Variants in PDZD2 observed in about 807,000 individuals in gnomAD.
PDZD2 encodes the protein PDZ domain containing 2.
In PDZD2, 90 loss-of-function variants were observed where a neutral mutation model predicts 220.7. That is an observed-to-expected ratio of 0.41 (90% CI 0.34 to 0.49). The LOEUF is 0.49. Among genes scored for constraint, PDZD2 ranks in the 20% least tolerant of loss-of-function variants. The pLI is 0.28. For missense variants in PDZD2, 3,174 were observed against 3,608.5 expected (o/e 0.88, Z 3.08); for synonymous variants, 1,375 against 1,450.5 (o/e 0.95, Z 1.18).
intron 1 of PDZD2, among the ~76,000 whole-genome samples, chr5:31,787,993 T>A (rs892801899): frequency 6.6e-6 from 1 of 152,194 alleles, no homozygotes; most frequent in Non-Finnish European, 1.5e-5. Flanking sequence ...CAACCCTTGT[T>A]GCATAAAAGG....
intron 1 of PDZD2, among the ~76,000 whole-genome samples, chr5:31,778,016 G>A (rs935116225): frequency 8.5e-5 from 13 of 152,202 alleles, no homozygotes; most frequent in African/African-American, 3.1e-4. Context: ...TCTGTGTCTA[G>A]CTCGGGGATT....
chr5:31,941,397 A>G (rs570923308), intron 2 of PDZD2, among the ~76,000 whole-genome samples: 1 of 152,336 alleles, frequency 6.6e-6, no homozygotes, highest in South Asian at 2.1e-4. Flanking sequence ...ATTGTAACAG[A>G]TGCAAGACAG....
intron 7 of PDZD2, among the ~76,000 whole-genome samples, chr5:32,046,853 G>A (rs529672335): frequency 6.6e-6 from 1 of 152,164 alleles, no homozygotes; most frequent in African/African-American, 2.4e-5. Flanking sequence ...GACCAGCCTG[G>A]CCAACATGGT....
At chr5:31,971,778 C>CA (rs55913147) in intron 2 of PDZD2, among the ~76,000 whole-genome samples, 152,299 of 152,300 alleles carry the variant, frequency 1, 76,149 homozygotes, top group Non-Finnish European at 1. Flanking sequence ...AGTGGCTCCC[C>CA]ATTTGCACAA....
At chr5:31,712,451 CCTCT>C (rs72212182) in intron 1 of PDZD2, among the ~76,000 whole-genome samples, 8,504 of 131,226 alleles carry the variant, frequency 0.065, 399 homozygotes, top group African/African-American at 0.14. Flanking sequence ...GCTGGGCCTG[CCTCT>C]CTCTCTCTCT....
intron 14 of PDZD2, among the ~76,000 whole-genome samples, chr5:32,065,945 A>G (rs1740172804): frequency 6.6e-6 from 1 of 151,858 alleles, no homozygotes; most frequent in Admixed American, 6.6e-5. Context: ...AATCGCTTGA[A>G]CCTGGGAGGC....
chr5:31,750,162 T>C (rs1750859188), intron 1 of PDZD2, among the ~76,000 whole-genome samples: 1 of 152,178 alleles, frequency 6.6e-6, no homozygotes, highest in Admixed American at 6.5e-5. Context: ...CAGTTTGCCA[T>C]CTCTAGCGCC....
chr5:31,809,505 A>G (rs183596029), intron 2 of PDZD2, among the ~76,000 whole-genome samples: 2 of 152,278 alleles, frequency 1.3e-5, no homozygotes, highest in East Asian at 3.9e-4. Context: ...GCACTAATGA[A>G]TGAGGAGCTG....
intron 21 of PDZD2, among the ~76,000 whole-genome samples, chr5:32,095,451 T>A (rs540593736): frequency 6.6e-6 from 1 of 152,150 alleles, no homozygotes; most frequent in Non-Finnish European, 1.5e-5. Flanking sequence ...AAAACTATTT[T>A]CTGTGTCCTT....
intron 2 of PDZD2, among the ~76,000 whole-genome samples, chr5:31,971,958 C>T (rs1749335096): frequency 6.6e-6 from 1 of 152,192 alleles, no homozygotes; most frequent in East Asian, 1.9e-4. Context: ...CTGGCTGTTC[C>T]CTCTGTCTGG....
intron 2 of PDZD2, among the ~76,000 whole-genome samples, chr5:31,834,437 A>G (rs1756821534): frequency 2.0e-5 from 3 of 152,196 alleles, no homozygotes; most frequent in Admixed American, 1.3e-4. Flanking sequence ...AGTGGCAAAA[A>G]GTTTCTTGAA....
At chr5:31,668,241 C>T (rs1379690423) in intron 1 of PDZD2, among the ~76,000 whole-genome samples, 3 of 152,112 alleles carry the variant, frequency 2.0e-5, no homozygotes, top group African/African-American at 7.2e-5. Context: ...ATTTGCTTTT[C>T]GGTGAAAAGG....
intron 7 of PDZD2, among the ~76,000 whole-genome samples, chr5:32,041,072 C>T (rs879145150): frequency 2.7e-5 from 4 of 145,756 alleles, no homozygotes; most frequent in Non-Finnish European, 6.0e-5. Flanking sequence ...AAGTGGGGAG[C>T]GCCTCTGTCC....
chr5:32,058,713 C>G (rs181903743), intron 12 of PDZD2, among the ~76,000 whole-genome samples: 2 of 148,996 alleles, frequency 1.3e-5, no homozygotes, highest in Admixed American at 1.3e-4. Flanking sequence ...GAGCTTAAGT[C>G]TGGGGCTAAT....
chr5:31,993,755 A>C (rs1275542655), intron 3 of PDZD2, among the ~76,000 whole-genome samples: 2 of 152,190 alleles, frequency 1.3e-5, no homozygotes, highest in Non-Finnish European at 2.9e-5. Context: ...CTTGTGACTC[A>C]GGCCCATATA....
chr5:32,032,619 G>A (rs1755214363), intron 6 of PDZD2, among the ~76,000 whole-genome samples: 1 of 152,078 alleles, frequency 6.6e-6, no homozygotes, highest in African/African-American at 2.4e-5. Context: ...TTTGTCTTCT[G>A]TTTTCTTTAT....
intron 2 of PDZD2, among the ~76,000 whole-genome samples, chr5:31,840,226 TTCAAA>T (rs1331650128): frequency 9.7e-6 from 1 of 103,536 alleles, no homozygotes; most frequent in Non-Finnish European, 2.0e-5. Flanking sequence ...GAGACCCTGT[TTCAAA>T]ACAAAACAAA....
Position 32,110,048 on chromosome 5 carries a change from TGA to T in PDZD2, c.*1914_*1915del, listed in dbSNP as rs1491303625. On this transcript the variant is annotated 3_prime_UTR_variant, in exon 25 of 25. Coordinates refer to ENST00000438447, the MANE Select transcript of PDZD2 (RefSeq NM_178140.4). ...AGGTGCATGCTTGATTGATAGATAT[TGA>T]TTGATTGTTTTTCAGTCTCTGGGGT... The T allele has an allele frequency of 8.4e-5, 1 of 11,906 alleles. No homozygotes were observed. The highest frequency in any genetic ancestry group is 1.1e-3 in the African/African-American group (1 of 894). The allele number at this position is 11,906 out of a possible 1,614,324, so 0.7% of individuals were successfully genotyped here. A position where few individuals can be genotyped will look rare whatever the true frequency, so the allele number is the denominator to read the frequency against.
intron 1 of PDZD2, among the ~76,000 whole-genome samples, chr5:31,690,459 A>G (rs895043205): frequency 6.6e-6 from 1 of 152,164 alleles, no homozygotes; most frequent in African/African-American, 2.4e-5. Context: ...GGCGACTTCA[A>G]CCAACAGACA....
Sources: gnomAD v4.1 joint callset for allele counts (sites outside exome capture counted in the v4.1 genomes callset) on GRCh38, gnomAD v4.1.1 for gene constraint, MANE v1.5 for transcripts, NCBI Gene and HGNC (gene_info 2026-07-23, HGNC 2026-07-21) for gene names.